Variants in EPHA6 observed in about 807,000 individuals in gnomAD.
The protein encoded by EPHA6 is ephrin type-A receptor 6.
A neutral mutation model predicts 112.0 loss-of-function variants in EPHA6; 50 were observed. The observed-to-expected ratio is 0.45, with a 90% CI of 0.36 to 0.56. The LOEUF (loss-of-function observed/expected upper bound fraction) is 0.56. Among genes scored for constraint, EPHA6 ranks in the 20% least tolerant of loss-of-function variants. The pLI is 0.00. For missense variants in EPHA6, 1,280 were observed against 1,417.4 expected (o/e 0.90, Z 1.56); for synonymous variants, 529 against 490.7 (o/e 1.08, Z -1.03).
intron 5 of EPHA6, among the ~76,000 whole-genome samples, chr3:97,399,863 C>T (rs1432917685): frequency 6.6e-6 from 1 of 151,488 alleles, no homozygotes; most frequent in African/African-American, 2.4e-5. Context: ...TAGTAGTTTG[C>T]AAATATCTTC....
chr3:97,370,646 T>TTTTTA (rs1337670658), intron 5 of EPHA6, among the ~76,000 whole-genome samples: 4 of 152,128 alleles, frequency 2.6e-5, no homozygotes, highest in Admixed American at 6.6e-5. Context: ...TATTTAAGGT[T>TTTTTA]TTTTATTTTA....
At chr3:96,855,854 A>C (rs188966507) in intron 1 of EPHA6, among the ~76,000 whole-genome samples, 1 of 152,278 alleles carries the variant, frequency 6.6e-6, no homozygotes, top group East Asian at 1.9e-4. Flanking sequence ...AATGGTTGTA[A>C]GTCTATACAA....
intron 1 of EPHA6, among the ~76,000 whole-genome samples, chr3:96,835,195 T>C (rs1039635805): frequency 6.6e-6 from 1 of 152,102 alleles, no homozygotes; most frequent in Non-Finnish European, 1.5e-5. Context: ...TGGCCCTGCA[T>C]TGGAGATACA....
Position 96,987,881 on chromosome 3 carries a change from T to C in EPHA6, c.1002T>C (p.Ala334=), listed in dbSNP as rs1177490326. The change falls in exon 3 of 18, where the codon GCT becomes GCC. Residue 334 remains alanine, a synonymous_variant. Transcript: ENST00000389672. ...TACGGGGTTCTTGTGTGAAGAGTGC[T>C]GAAGAGCGTGACACTCCTAAACTGT... ...VEVRGSCVKS[A]EERDTPKLYC... is the part of the protein sequence containing the mutation. 3.1e-6 allele frequency: 5 copies of C among 1,613,828 alleles called. No individual in the cohort carries two copies. The African/African-American group carries it at 4.0e-5, about 13-fold the overall frequency.
At chr3:96,825,771 A>G (rs1320583765) in intron 1 of EPHA6, among the ~76,000 whole-genome samples, 1 of 151,962 alleles carries the variant, frequency 6.6e-6, no homozygotes, top group Non-Finnish European at 1.5e-5. Flanking sequence ...TAGAATGTCA[A>G]AAGGCAGTGA....
chr3:96,814,733 T>C lies in EPHA6; in HGVS notation c.110T>C (p.Val37Ala), dbSNP rs775362012. The C allele has an allele frequency of 8.8e-6, 14 of 1,583,564 alleles. No individual in the cohort carries two copies. The Admixed American group carries it at 1.8e-4, about 20-fold the overall frequency. Residue 37 changes from valine to alanine, a missense_variant, in exon 1 of 18, where the codon GTT becomes GCT. By Grantham distance (64) the Val-to-Ala change is moderately conservative. Transcript: ENST00000389672. ...ATGQPGPSCP[V>A]PGTSRRGRPG... ...GGGCAGCCTGGACCCTCGTGCCCTGTTCCCGGGACCTCGCGCAGGGGGCGC... is the reference window on the plus strand; with the variant it reads ...GGGCAGCCTGGACCCTCGTGCCCTGCTCCCGGGACCTCGCGCAGGGGGCGC...
At chr3:96,994,732 T>TAGAGAGAGAGAGAGAGAGAGAGAG (rs71623564) in intron 3 of EPHA6, among the ~76,000 whole-genome samples, 7 of 82,198 alleles carry the variant, frequency 8.5e-5, no homozygotes, top group South Asian at 3.6e-4. Flanking sequence ...TATATATATA[T>TAGAGAGAGAGAGAGAGAGAGAGAG]AGAGAGAGAG....
chr3:97,521,605 C>T (rs1198863676), intron 10 of EPHA6, among the ~76,000 whole-genome samples: 1 of 152,046 alleles, frequency 6.6e-6, no homozygotes, highest in African/African-American at 2.4e-5. Flanking sequence ...AAAACCACCC[C>T]CATTATTCAA....
At chr3:97,537,727 C>T (rs561278698) in intron 11 of EPHA6, among the ~76,000 whole-genome samples, 9 of 152,052 alleles carry the variant, frequency 5.9e-5, no homozygotes, top group South Asian at 2.1e-4. Flanking sequence ...CACAGGTGTA[C>T]GCCACCAAGT....
chr3:97,515,677 G>A (rs989276736), intron 10 of EPHA6, among the ~76,000 whole-genome samples: 2 of 152,090 alleles, frequency 1.3e-5, no homozygotes, highest in African/African-American at 2.4e-5. Flanking sequence ...GTATCAGTGA[G>A]TTTGAAAAGT....
At chr3:97,289,790 C>G (rs2080613753) in intron 5 of EPHA6, among the ~76,000 whole-genome samples, 1 of 151,930 alleles carries the variant, frequency 6.6e-6, no homozygotes. Context: ...CCTTGGTTAC[C>G]TGTATTCCTA....
chr3:96,922,248 G>A (rs1032355701), intron 2 of EPHA6, among the ~76,000 whole-genome samples: 1 of 152,100 alleles, frequency 6.6e-6, no homozygotes, highest in Non-Finnish European at 1.5e-5. Context: ...AATGCCTCCT[G>A]CTAAATAAAG....
At chr3:97,633,244 T>C (rs145535504) in intron 13 of EPHA6, among the ~76,000 whole-genome samples, 70 of 152,006 alleles carry the variant, frequency 4.6e-4, no homozygotes, top group African/African-American at 1.4e-3. Flanking sequence ...TTCTGTCAGT[T>C]AGAGGGTAAA....
At chr3:97,098,350 A>AT (rs2047305713) in intron 3 of EPHA6, among the ~76,000 whole-genome samples, 1 of 151,892 alleles carries the variant, frequency 6.6e-6, no homozygotes, top group Non-Finnish European at 1.5e-5. Flanking sequence ...TTCCAGGACT[A>AT]TTGGAAGTAA....
At chr3:97,511,516 G>A (rs2092364664) in intron 10 of EPHA6, among the ~76,000 whole-genome samples, 1 of 152,074 alleles carries the variant, frequency 6.6e-6, no homozygotes, top group Admixed American at 6.6e-5. Context: ...TGTACCCACT[G>A]TCTAACCAGT....
chr3:96,947,712 A>G (rs1181310654), intron 2 of EPHA6, among the ~76,000 whole-genome samples: 1 of 152,212 alleles, frequency 6.6e-6, no homozygotes, highest in East Asian at 1.9e-4. Context: ...GAGCTCTTCA[A>G]GGAGAACTAC....
intron 5 of EPHA6, among the ~76,000 whole-genome samples, chr3:97,351,131 A>C (rs1372577531): frequency 6.6e-6 from 1 of 152,214 alleles, no homozygotes; most frequent in Non-Finnish European, 1.5e-5. Context: ...AAAATGGCAG[A>C]CATCCATCCT....
chr3:97,568,366 G>A (rs142197772), intron 11 of EPHA6, among the ~76,000 whole-genome samples: 1 of 152,140 alleles, frequency 6.6e-6, no homozygotes, highest in Non-Finnish European at 1.5e-5. Flanking sequence ...ATGCAGAACA[G>A]ATAACATGAC....
In EPHA6 at chr3:97,631,238, G is replaced by A. The variant is rs531258933; in HGVS notation, c.2575-6635G>A. ...CCCCAAAAGTCAGATCCTCTGTGTT[G>A]TTCTGGCTCTTCAGAGATGCCCATC... On this transcript the variant is annotated intron_variant, in intron 13 of 17. Transcript: ENST00000389672. 6.6e-5 allele frequency among the ~76,000 whole-genome samples: 10 copies of A among 152,086 alleles called. No individual in the cohort carries two copies. The South Asian group carries it at 1.7e-3, about 25-fold the overall frequency.
Sources: allele counts gnomAD v4.1 joint callset (sites outside exome capture counted in the v4.1 genomes callset), GRCh38; gene constraint gnomAD v4.1.1; transcripts MANE v1.5; gene names NCBI Gene and HGNC (gene_info 2026-07-23, HGNC 2026-07-21).